Variants in ATAD2B observed in about 807,000 individuals in gnomAD.
ATAD2B encodes ATPase family AAA domain containing 2B.
ATAD2B carries 40 observed loss-of-function variants against 167.6 expected under a neutral mutation model. That is an observed-to-expected ratio of 0.24 (90% CI 0.19 to 0.31). The LOEUF is 0.31. Among genes scored for constraint, ATAD2B ranks in the 10% least tolerant of loss-of-function variants. The pLI is 1.00. For synonymous variants in ATAD2B, 579 were observed against 596.5 expected, an observed-to-expected ratio of 0.97 and a Z score of 0.43; for missense variants, 1,242 against 1,757.2, an observed-to-expected ratio of 0.71 and a Z score of 5.24.
intron 8 of ATAD2B, among the ~76,000 whole-genome samples, chr2:23,871,288 T>TA (rs111725128): frequency 0.031 from 4,658 of 148,158 alleles, 70 homozygotes; most frequent in Admixed American, 0.041. Context: ...TCTGCTTTAC[T>TA]AAAAAAAAAA....
Position 23,900,961 on chromosome 2 carries a change from T to C in ATAD2B, c.217-4991A>G, listed in dbSNP as rs533793556. On this transcript the variant is annotated intron_variant, in intron 1 of 27. Transcript: ENST00000238789. ...CTGATCTCCCTGAGGATCTCTACTG[T>C]TTAATTAAGCAAGCAGTTGCTATTC... is the stretch of plus-strand genomic sequence containing the variant. 5 of 153,444 alleles carry C rather than the reference T, an allele frequency of 3.3e-5. No homozygotes were observed. The South Asian group carries it at 1.0e-3, about 32-fold the overall frequency. The allele number at this position is 153,444 out of a possible 1,614,324, so 9.5% of individuals were successfully genotyped here.
intron 6 of ATAD2B, among the ~76,000 whole-genome samples, chr2:23,880,973 G>A (rs1030325886): frequency 1.3e-5 from 2 of 152,116 alleles, no homozygotes; most frequent in Non-Finnish European, 2.9e-5. Flanking sequence ...ACAATTATCT[G>A]CTAAATAAAT....
At chr2:23,809,234 G>T (rs1685157807) in intron 18 of ATAD2B, 2 of 152,090 alleles carry the variant, frequency 1.3e-5, no homozygotes, top group African/African-American at 4.8e-5. Flanking sequence ...ACACACCCAG[G>T]ATGAGTTAAA....
At chr2:23,883,071 C>T (rs547042143) in intron 6 of ATAD2B, among the ~76,000 whole-genome samples, 45 of 151,938 alleles carry the variant, frequency 3.0e-4, no homozygotes, top group African/African-American at 1.1e-3. Context: ...CTCACGAGAT[C>T]AAGACCAGCC....
chr2:23,873,969 T>C lies in ATAD2B; in HGVS notation c.977+1860A>G, dbSNP rs994300863. 2.6e-5 allele frequency among the ~76,000 whole-genome samples: 4 copies of C among 151,566 alleles called. No homozygotes were observed. The East Asian group carries it at 5.9e-4, about 22-fold the overall frequency. ...TGGGAGGCTGAGGCAGGCAGATCAC[T>C]TGAGGTCAGAAGTTCGAGACCAGCC... On this transcript the variant is annotated intron_variant, in intron 8 of 27. Transcript: ENST00000238789.
chr2:23,891,392 CT>C (rs1699466405), intron 2 of ATAD2B, among the ~76,000 whole-genome samples: 1 of 152,074 alleles, frequency 6.6e-6, no homozygotes, highest in Non-Finnish European at 1.5e-5. Flanking sequence ...TATGAATGTT[CT>C]CAAAAGTTGT....
intron 7 of ATAD2B, among the ~76,000 whole-genome samples, chr2:23,877,642 C>A (rs896556726): frequency 6.7e-6 from 1 of 149,634 alleles, no homozygotes; most frequent in Non-Finnish European, 1.5e-5. Flanking sequence ...GAGGCTAAGG[C>A]GGGTGGATCA....
rs764478366 is a variant in ATAD2B, at chr2:23,823,474, G to A, written c.1915C>T (p.Leu639=). The change falls in exon 16 of 28, where the codon CTG becomes TTG. Residue 639 remains leucine (L), a synonymous_variant. Coordinates refer to ENST00000238789, the MANE Select transcript of ATAD2B (RefSeq NM_017552.4). The part of the protein sequence containing the change: ...YPQIYASSHK[L]QLDVSSIVLS... ...ACTATTGAGGAAACATCCAGCTGCA[G>A]TTTATGACTGCTAGCATAGATCTGG... 3.7e-6 allele frequency: 6 copies of A among 1,613,994 alleles called. No individual in the cohort carries two copies. The highest frequency in any genetic ancestry group is 4.2e-6 in the Non-Finnish European group (5 of 1,179,886).
At chr2:23,843,257 C>T (rs1691214186) in intron 13 of ATAD2B, among the ~76,000 whole-genome samples, 1 of 151,814 alleles carries the variant, frequency 6.6e-6, no homozygotes, top group Non-Finnish European at 1.5e-5. Context: ...CATGACAAAG[C>T]AAAAATAAGT....
chr2:23,892,811 T>G (rs919588305), intron 2 of ATAD2B, among the ~76,000 whole-genome samples: 1 of 152,148 alleles, frequency 6.6e-6, no homozygotes, highest in Non-Finnish European at 1.5e-5. Flanking sequence ...TTTGTCTGTA[T>G]CTTAGAGTAT....
chr2:23,856,722 T>C (rs527927499), intron 13 of ATAD2B, among the ~76,000 whole-genome samples: 10 of 151,758 alleles, frequency 6.6e-5, no homozygotes, highest in Middle Eastern at 3.2e-3. Flanking sequence ...TAGCCAGGCA[T>C]GGCAGCACAT....
At chr2:23,885,697 T>G (rs1220138074) in intron 5 of ATAD2B, 30 bp downstream of exon 5, 1 of 1,316,026 alleles carries the variant, frequency 7.6e-7, no homozygotes, top group Admixed American at 2.3e-5. Context: ...GAAAAATATT[T>G]ACAAAGATTG....
intron 13 of ATAD2B, among the ~76,000 whole-genome samples, chr2:23,851,638 T>G (rs1277182444): frequency 6.6e-6 from 1 of 152,170 alleles, no homozygotes; most frequent in Admixed American, 6.5e-5. Context: ...ACAGTTTACA[T>G]TAAGGTTCAC....
At chr2:23,729,216 A>G in the ATAD2B span, among the ~76,000 whole-genome samples, 1 of 152,208 alleles carries the variant, frequency 6.6e-6, no homozygotes, top group African/African-American at 2.4e-5. Flanking sequence ...GAAATTAAAT[A>G]TGCTAAATGA....
At chr2:23,779,779 G>A (rs1455442105) in intron 22 of ATAD2B, among the ~76,000 whole-genome samples, 1 of 152,176 alleles carries the variant, frequency 6.6e-6, no homozygotes, top group South Asian at 2.1e-4. Context: ...AATATTATAG[G>A]AATGACAAAA....
the ATAD2B span, among the ~76,000 whole-genome samples, chr2:23,734,337 T>G: frequency 1.4e-4 from 22 of 152,096 alleles, no homozygotes; most frequent in Non-Finnish European, 2.6e-4. Flanking sequence ...TTTTGCATTT[T>G]TTAGTAGAGA....
chr2:23,704,902 ATTGT>A, the ATAD2B span, among the ~76,000 whole-genome samples: 1 of 152,226 alleles, frequency 6.6e-6, no homozygotes. Context: ...TAGAGTGCCC[ATTGT>A]TTGTGTAGCA....
the ATAD2B span, chr2:23,706,524 G>A: frequency 2.6e-6 from 4 of 1,535,936 alleles, no homozygotes; most frequent in Non-Finnish European, 3.5e-6. Context: ...TGGAGGTATT[G>A]TCAGCAGTGA....
intron 13 of ATAD2B, among the ~76,000 whole-genome samples, chr2:23,834,477 C>T (rs1689606254): frequency 1.3e-5 from 2 of 151,664 alleles, no homozygotes; most frequent in African/African-American, 2.4e-5. Context: ...GTCTTTAATG[C>T]TAACAAAATA....
Sources: allele counts gnomAD v4.1 joint callset (sites outside exome capture counted in the v4.1 genomes callset), GRCh38; gene constraint gnomAD v4.1.1; transcripts MANE v1.5; gene names NCBI Gene and HGNC (gene_info 2026-07-23, HGNC 2026-07-21).